The following SHISA9 variants were observed in gnomAD, a reference collection of about 807,000 sequenced individuals.
The protein encoded by SHISA9 is protein shisa-9.
In SHISA9, 13 loss-of-function variants were observed where a neutral mutation model predicts 38.0. That is an observed-to-expected ratio of 0.34 (90% confidence interval 0.22 to 0.54). The LOEUF (loss-of-function observed/expected upper bound fraction) is 0.54. Among genes scored for constraint, SHISA9 ranks in the 20% least tolerant of loss-of-function variants. The probability of loss-of-function intolerance (pLI) is 0.91; values close to 1 mark genes in which losing one functional copy is unlikely to be tolerated. For missense variants in SHISA9, 538 were observed against 575.8 expected (o/e 0.93, Z 0.67); for synonymous variants, 275 against 242.0 (o/e 1.14, Z -1.27).
the SHISA9 span, among the ~76,000 whole-genome samples, chr16:13,283,645 A>G: frequency 6.6e-6 from 1 of 151,978 alleles, no homozygotes; most frequent in Non-Finnish European, 1.5e-5. Flanking sequence ...CTCCCACCAG[A>G]TCCCTCCCAC....
At chr16:13,472,873 C>T in the SHISA9 span, among the ~76,000 whole-genome samples, 1 of 152,042 alleles carries the variant, frequency 6.6e-6, no homozygotes, top group South Asian at 2.1e-4. Flanking sequence ...TACTATTTCC[C>T]ACGTATTTAT....
chr16:13,138,059 T>A (rs1407350842), intron 2 of SHISA9, among the ~76,000 whole-genome samples: 1 of 152,150 alleles, frequency 6.6e-6, no homozygotes, highest in East Asian at 1.9e-4. Flanking sequence ...GGGTCTGGGG[T>A]AAAGCCTGAG....
chr16:13,244,469 G>T (rs1437146809), downstream of SHISA9, among the ~76,000 whole-genome samples: 1 of 151,918 alleles, frequency 6.6e-6, no homozygotes, highest in Non-Finnish European at 1.5e-5. Context: ...TAGTAAATAT[G>T]TTTTCTCTTC....
At chr16:13,308,669 G>C in the SHISA9 span, among the ~76,000 whole-genome samples, 1 of 152,184 alleles carries the variant, frequency 6.6e-6, no homozygotes, top group African/African-American at 2.4e-5. Context: ...GAAGATGAAA[G>C]AAGACTCAAT....
chr16:13,562,772 G>A, the SHISA9 span: 1 of 152,236 alleles, frequency 6.6e-6, no homozygotes, highest in Admixed American at 6.5e-5. Flanking sequence ...ACAGGCTACG[G>A]AGAAGAAAGG....
the SHISA9 span, among the ~76,000 whole-genome samples, chr16:13,460,088 A>G: frequency 6.6e-6 from 1 of 152,130 alleles, no homozygotes; most frequent in African/African-American, 2.4e-5. Flanking sequence ...GGTTATTAGT[A>G]TTATCCCTAA....
chr16:13,174,438 A>G (rs1318819740), intron 2 of SHISA9, among the ~76,000 whole-genome samples: 2 of 152,352 alleles, frequency 1.3e-5, no homozygotes, highest in East Asian at 3.9e-4. Context: ...CTGTAAGCCC[A>G]TTGGTGCCTA....
chr16:13,121,276 C>A (rs894649100), intron 2 of SHISA9, among the ~76,000 whole-genome samples: 2 of 152,118 alleles, frequency 1.3e-5, no homozygotes, highest in African/African-American at 4.8e-5. Flanking sequence ...ATCACTTGAG[C>A]CCAGGAGTTC....
intron 2 of SHISA9, among the ~76,000 whole-genome samples, chr16:13,084,504 G>T (rs2073689105): frequency 6.6e-6 from 1 of 152,132 alleles, no homozygotes; most frequent in Admixed American, 6.6e-5. Context: ...GAGAAATCTT[G>T]CATTTACTTG....
At chr16:12,928,239 T>C (rs1382431425) in intron 2 of SHISA9, among the ~76,000 whole-genome samples, 1 of 152,158 alleles carries the variant, frequency 6.6e-6, no homozygotes, top group Non-Finnish European at 1.5e-5. Context: ...GGTTCTTTTC[T>C]TAATGAATGA....
At chr16:13,249,362 A>G in the SHISA9 span, among the ~76,000 whole-genome samples, 1,218 of 152,340 alleles carry the variant, frequency 8.0e-3, 13 homozygotes, top group Middle Eastern at 0.051. Flanking sequence ...TGGGCAATCA[A>G]TTTAGCCTCC....
the SHISA9 span, among the ~76,000 whole-genome samples, chr16:13,278,832 G>A: frequency 8.6e-5 from 13 of 151,896 alleles, no homozygotes; most frequent in South Asian, 6.2e-4. Flanking sequence ...CTTGCTAATG[G>A]TCTATCAATT....
chr16:13,109,117 C>G (rs765776645), intron 2 of SHISA9, among the ~76,000 whole-genome samples: 5 of 152,172 alleles, frequency 3.3e-5, no homozygotes, highest in Non-Finnish European at 7.3e-5. Flanking sequence ...GTCTTGACCT[C>G]TGGGGCTCAA....
At chr16:13,524,453 C>A in the SHISA9 span, among the ~76,000 whole-genome samples, 2 of 152,248 alleles carry the variant, frequency 1.3e-5, no homozygotes, top group East Asian at 3.8e-4. Flanking sequence ...AGACTGCTTT[C>A]AGCCTCTTGA....
the SHISA9 span, among the ~76,000 whole-genome samples, chr16:13,499,878 AG>A: frequency 6.6e-6 from 1 of 152,188 alleles, no homozygotes; most frequent in South Asian, 2.1e-4. Context: ...ACCCAAACAA[AG>A]AACAATGGTT....
chr16:13,037,365 T>TC (rs1204908260), intron 2 of SHISA9, among the ~76,000 whole-genome samples: 4 of 151,934 alleles, frequency 2.6e-5, no homozygotes, highest in African/African-American at 9.7e-5. Context: ...CTTTTTTTTT[T>TC]CTCTCTCTCG....
At chr16:13,435,793 T>C in the SHISA9 span, among the ~76,000 whole-genome samples, 1 of 152,090 alleles carries the variant, frequency 6.6e-6, no homozygotes, top group East Asian at 1.9e-4. Flanking sequence ...TCCCTGAACA[T>C]AGGGCTTGGG....
At chr16:13,317,152 G>A in the SHISA9 span, among the ~76,000 whole-genome samples, 1 of 152,168 alleles carries the variant, frequency 6.6e-6, no homozygotes, top group Non-Finnish European at 1.5e-5. Context: ...ACTATCAATA[G>A]CAGACGGGGA....
At chr16:13,452,616 G>C in the SHISA9 span, among the ~76,000 whole-genome samples, 4 of 152,142 alleles carry the variant, frequency 2.6e-5, no homozygotes, top group East Asian at 7.7e-4. Context: ...CTTTGGGCAA[G>C]GGTTATCTTT....
Sources: allele counts gnomAD v4.1 joint callset (sites outside exome capture counted in the v4.1 genomes callset), GRCh38; gene constraint gnomAD v4.1.1; transcripts MANE v1.5; gene names NCBI Gene and HGNC (gene_info 2026-07-23, HGNC 2026-07-21).